Variants in ATP5MC3 observed in about 807,000 individuals in gnomAD.
ATP5MC3 encodes the protein ATP synthase membrane subunit c locus 3, also known as ATP synthase F(0) complex subunit C3, mitochondrial.
In ATP5MC3, 6 loss-of-function variants were observed where a neutral mutation model predicts 15.6. The observed-to-expected ratio is 0.38, with a 90% confidence interval of 0.21 to 0.76. ATP5MC3 has a LOEUF of 0.76. Among genes scored for constraint, ATP5MC3 ranks in the 30% least tolerant of loss-of-function variants. The probability of loss-of-function intolerance (pLI) is 0.44; values close to 1 mark genes in which losing one functional copy is unlikely to be tolerated. For synonymous variants in ATP5MC3, 66 were observed against 63.3 expected (o/e 1.04, Z -0.20); for missense variants, 132 against 171.2 (o/e 0.77, Z 1.28).
intron 3 of ATP5MC3, chr2:175,179,758 G>C: frequency 4.5e-6 from 1 of 220,992 alleles, no homozygotes; most frequent in Non-Finnish European, 8.8e-6. Flanking sequence ...TCCCTCCTTG[G>C]CCTCCCACAG....
rs1046707933 is a variant in ATP5MC3, at chr2:175,181,665, A to AGGC, written c.-86_-84dup. On this transcript the variant is annotated 5_prime_UTR_variant, in exon 1 of 5. Coordinates refer to ENST00000284727, the MANE Select transcript of ATP5MC3 (RefSeq NM_001689.5). ...TGTGCCCTCCACTTACCTTCCCAGGAGGCGGCGGCGGCACGGGCTGCGGCA... is the reference window on the plus strand; with the variant it reads ...TGTGCCCTCCACTTACCTTCCCAGGAGGCGGCGGCGGCGGCACGGGCTGCGGCA... 1.0e-5 allele frequency: 5 copies of AGGC among 482,248 alleles called. No individual in the cohort carries two copies. The highest frequency in any genetic ancestry group is 7.1e-5 in the East Asian group (2 of 28,214). 29.9% of individuals were successfully genotyped at this position (482,248 alleles called of 1,614,324 possible).
At position 175,178,959 on chromosome 2, in the gene ATP5MC3, A is replaced by T. The variant is rs571895706; in HGVS notation, c.314+98T>A. 3 of 1,501,820 alleles carry T rather than the reference A, an allele frequency of 2.0e-6. No individual in the cohort carries two copies. In the East Asian group the frequency reaches 6.8e-5, roughly 34 times the overall value. The allele number at this position is 1,501,820 out of a possible 1,614,324, so 93.0% of individuals were successfully genotyped here. On this transcript the variant is annotated intron_variant, in intron 4 of 4. Coordinates refer to ENST00000284727, the MANE Select transcript of ATP5MC3 (RefSeq NM_001689.5). ...GCCCTTTAAATATAATGCAAGACAC[A>T]GAGTAAGCACTTAATGCAAAGTAGC...
At chr2:175,181,264 C>T in intron 2 of ATP5MC3, 91 bp downstream of exon 2, 1 of 1,454,454 alleles carries the variant, frequency 6.9e-7, no homozygotes, top group Middle Eastern at 1.8e-4. Flanking sequence ...GGCGGTGTGC[C>T]CCGCCCGAAG....
Position 175,176,935 on chromosome 2 carries a change from C to T in ATP5MC3, c.*1353G>A, listed in dbSNP as rs1452588299. The stretch of plus-strand genomic sequence containing the variant: ...ATTGTAAGTAGTGCTTCTATGAATA[C>T]TTGTATACAGGTTTTTGTTTGAATA... On this transcript the variant is annotated 3_prime_UTR_variant, in exon 5 of 5. Transcript: ENST00000284727. The T allele has an allele frequency of 6.6e-6, 1 of 152,086 alleles. No homozygotes were observed. Among genetic ancestry groups the T allele is most frequent in the East Asian group, 1.9e-4 (1 of 5,206 alleles). 9.4% of individuals were successfully genotyped at this position (152,086 alleles called of 1,614,324 possible). A position where few individuals can be genotyped will look rare whatever the true frequency, so the allele number is the denominator to read the frequency against.
rs756091384 is a variant in ATP5MC3 at position 175,179,245 on chromosome 2, A to G, written c.126T>C (p.Ser42=). Residue 42 remains serine (S), a synonymous_variant, in exon 4 of 5, where the codon TCT becomes TCC. Coordinates refer to ENST00000284727, the MANE Select transcript of ATP5MC3 (RefSeq NM_001689.5). ...RPEASRTGEG[S]TVFNGAQNGV... is the part of the protein sequence containing the mutation. ...CATTCTGGGCCCCATTAAATACCGTAGAGCCCTGGAAAACAGAAAATAAAG... is the reference window on the plus strand; with the variant it reads ...CATTCTGGGCCCCATTAAATACCGTGGAGCCCTGGAAAACAGAAAATAAAG... 5 of 1,607,632 alleles carry G rather than the reference A, an allele frequency of 3.1e-6. No homozygotes were observed. Among genetic ancestry groups the G allele is most frequent in the Non-Finnish European group, 4.3e-6 (5 of 1,174,758 alleles).
chr2:175,180,976 G>A (rs529755163), intron 2 of ATP5MC3, among the ~76,000 whole-genome samples: 87 of 152,308 alleles, frequency 5.7e-4, no homozygotes, highest in Admixed American at 1.2e-3. Context: ...ACTGGAAAGC[G>A]CTGCTGAGGT....
At chr2:175,178,942 A>T in intron 4 of ATP5MC3, 115 bp downstream of exon 4, 1 of 1,438,442 alleles carries the variant, frequency 7.0e-7, no homozygotes, top group African/African-American at 1.4e-5. Context: ...AAGCCCTTTA[A>T]ATATAATGCA....
At chr2:175,178,720 TAAGGA>T in intron 4 of ATP5MC3, 1 of 1,162,966 alleles carries the variant, frequency 8.6e-7, no homozygotes, top group Non-Finnish European at 1.1e-6. Flanking sequence ...TTGATCCTTT[TAAGGA>T]ATGTGCTCTA....
rs1700715270 is a variant in ATP5MC3 at position 175,178,129 on chromosome 2, A to G, written c.*159T>C. On this transcript the variant is annotated 3_prime_UTR_variant, in exon 5 of 5. Coordinates refer to ENST00000284727, the MANE Select transcript of ATP5MC3 (RefSeq NM_001689.5). ...GATAATCTAAACTTAGTGTAAGTAC[A>G]AATCACAGAAGAAATTAAAGTTTTC... The G allele has an allele frequency of 7.4e-7, 1 of 1,345,806 alleles. No individual in the cohort carries two copies. Among genetic ancestry groups the G allele is most frequent in the Non-Finnish European group, 9.7e-7 (1 of 1,030,630 alleles). 83.4% of individuals were successfully genotyped at this position (1,345,806 alleles called of 1,614,324 possible).
At chr2:175,180,219 G>C (rs1199285092) in intron 2 of ATP5MC3, 41 bp from the exon 3 acceptor site, 1 of 1,475,716 alleles carries the variant, frequency 6.8e-7, no homozygotes, top group Non-Finnish European at 9.1e-7. Context: ...TATTAAGAAA[G>C]AATACAGGTA....
chr2:175,181,507 G>T, intron 1 of ATP5MC3, 41 bp from the exon 2 acceptor site: 2 of 1,336,658 alleles, frequency 1.5e-6, no homozygotes, highest in Non-Finnish European at 2.1e-6. Flanking sequence ...GCCCTCCAGG[G>T]GCCTGTTCTT....
rs146499950 is a variant in ATP5MC3 at position 175,178,249 on chromosome 2, G to A, written c.*39C>T. 5.3e-4 allele frequency: 838 copies of A among 1,594,352 alleles called. 11 individuals are homozygous for A. In the East Asian group the frequency reaches 0.015, roughly 29 times the overall value. Reference sequence around the variant, plus strand: ...CAGTAAGATACACAGAATTACATCCGTAATTAATATGAATGCCAACATGTC... The same window carrying A: ...CAGTAAGATACACAGAATTACATCCATAATTAATATGAATGCCAACATGTC... On this transcript the variant is annotated 3_prime_UTR_variant, in exon 5 of 5. Transcript: ENST00000284727.
chr2:175,180,266 A>G, intron 2 of ATP5MC3, 88 bp from the exon 3 acceptor site: 2 of 982,328 alleles, frequency 2.0e-6, no homozygotes, highest in Non-Finnish European at 2.8e-6. Flanking sequence ...TGAATTCTAA[A>G]AAAGCAAGCA....
intron 1 of ATP5MC3, 63 bp from the exon 2 acceptor site, chr2:175,181,529 C>T (rs268227): frequency 0.84 from 890,470 of 1,059,898 alleles, 376,049 homozygotes; most frequent in Admixed American, 0.86. Context: ...CCACCCAGGC[C>T]CCGCAGGCTC....
chr2:175,178,826 A>C, intron 4 of ATP5MC3: 1 of 1,111,222 alleles, frequency 9.0e-7, no homozygotes, highest in Non-Finnish European at 1.2e-6. Flanking sequence ...TTTACTAGCT[A>C]TGACCTGGGC....
At position 175,181,645 on chromosome 2, in the gene ATP5MC3, C is replaced by A. The variant is rs1041170254; in HGVS notation, c.-74+11G>T. ...CCTGGCCAGGCCGGGCTCCCTGTGC[C>A]CTCCACTTACCTTCCCAGGAGGCGG... On this transcript the variant is annotated intron_variant, in intron 1 of 4. Transcript: ENST00000284727. The A allele has an allele frequency of 6.0e-6, 3 of 499,952 alleles. No homozygotes were observed. The highest frequency in any genetic ancestry group is 6.0e-5 in the African/African-American group (3 of 49,996). The allele number at this position is 499,952 out of a possible 1,614,324, so 31.0% of individuals were successfully genotyped here.
Position 175,181,683 on chromosome 2 carries a change from C to G in ATP5MC3, c.-101G>C, listed in dbSNP as rs574716469. 3 of 478,416 alleles carry G rather than the reference C, an allele frequency of 6.3e-6. No individual in the cohort carries two copies. The highest frequency in any genetic ancestry group is 3.6e-5 in the East Asian group (1 of 27,858). 29.6% of individuals were successfully genotyped at this position (478,416 alleles called of 1,614,324 possible). A position where few individuals can be genotyped will look rare whatever the true frequency, so the allele number is the denominator to read the frequency against. ...TCCCAGGAGGCGGCGGCGGCACGGGCTGCGGCAGAGGTCGAAGGAGTGGGA... is the reference window on the plus strand; with the variant it reads ...TCCCAGGAGGCGGCGGCGGCACGGGGTGCGGCAGAGGTCGAAGGAGTGGGA... On this transcript the variant is annotated 5_prime_UTR_variant, in exon 1 of 5. Transcript: ENST00000284727.
At chr2:175,180,922 A>C (rs1007236806) in intron 2 of ATP5MC3, among the ~76,000 whole-genome samples, 2 of 152,214 alleles carry the variant, frequency 1.3e-5, no homozygotes, top group African/African-American at 2.4e-5. Flanking sequence ...ACGGAAAGGC[A>C]AAGTCCCTCC....
rs1227501721 is a variant in ATP5MC3, at chr2:175,176,847, T to C, written c.*1441A>G. ...TTTCATGGCTGAATATTCCATTATA[T>C]GGATGTATTTTACTTATCCATTCAT... On this transcript the variant is annotated 3_prime_UTR_variant, in exon 5 of 5. Coordinates refer to ENST00000284727, the MANE Select transcript of ATP5MC3 (RefSeq NM_001689.5). 6.6e-6 allele frequency: 1 copy of C among 152,242 alleles called. No individual in the cohort carries two copies. The highest frequency in any genetic ancestry group is 1.5e-5 in the Non-Finnish European group (1 of 68,040). The allele number at this position is 152,242 out of a possible 1,614,324, so 9.4% of individuals were successfully genotyped here.
Sources: allele counts gnomAD v4.1 joint callset (sites outside exome capture counted in the v4.1 genomes callset), GRCh38; gene constraint gnomAD v4.1.1; transcripts MANE v1.5; gene names NCBI Gene and HGNC (gene_info 2026-07-23, HGNC 2026-07-21).